Variants in MEI4 observed in about 807,000 individuals in gnomAD.
The protein encoded by MEI4 is meiosis-specific protein MEI4.
In MEI4, 27 loss-of-function variants were observed where a neutral mutation model predicts 31.4. That is an observed-to-expected ratio of 0.86 (90% CI 0.63 to 1.19). The LOEUF (loss-of-function observed/expected upper bound fraction) is 1.19. Among genes scored for constraint, MEI4 ranks in the 50% most tolerant of loss-of-function variants. MEI4 has a pLI of 0.00. For missense variants in MEI4, 329 were observed against 398.9 expected (o/e 0.82, Z 1.49); for synonymous variants, 122 against 145.4 (o/e 0.84, Z 1.16).
intron 3 of MEI4, among the ~76,000 whole-genome samples, chr6:77,818,326 T>C (rs1769736989): frequency 6.6e-6 from 1 of 152,152 alleles, no homozygotes; most frequent in African/African-American, 2.4e-5. Flanking sequence ...TATCTTTTTA[T>C]AAGGTAAAAA....
In MEI4 at chr6:77,694,482, A is replaced by G. The variant is rs9448155; in HGVS notation, c.232+3579A>G. ...CTGTGTCCATGTGTTCTCATTGTTC[A>G]ATTCCCACCTATGAGTGAGAACATA... On this transcript the variant is annotated intron_variant, in intron 2 of 4. Transcript: ENST00000684080. Among the ~76,000 whole-genome samples, 1,037 of 146,196 alleles carry G rather than the reference A, an allele frequency of 7.1e-3. 13 individuals carry two copies. The highest frequency in any genetic ancestry group is 0.025 in the African/African-American group (978 of 39,136).
intron 4 of MEI4, among the ~76,000 whole-genome samples, chr6:77,872,557 TA>T (rs1183202499): frequency 6.6e-6 from 1 of 152,022 alleles, no homozygotes; most frequent in African/African-American, 2.4e-5. Context: ...GCAGGCAGTT[TA>T]TTTTTTTATT....
chr6:77,687,261 G>T (rs1769075410), intron 1 of MEI4, among the ~76,000 whole-genome samples: 2 of 152,076 alleles, frequency 1.3e-5, no homozygotes, highest in African/African-American at 2.4e-5. Context: ...AGAATTAAGA[G>T]ACACTACATA....
At chr6:77,815,714 A>G (rs182476821) in intron 3 of MEI4, among the ~76,000 whole-genome samples, 9 of 152,264 alleles carry the variant, frequency 5.9e-5, no homozygotes, top group Admixed American at 1.3e-4. Context: ...TAGGGTCACT[A>G]GTAACTGGTA....
chr6:77,909,211 G>A (rs376485220), intron 4 of MEI4, among the ~76,000 whole-genome samples: 13 of 151,788 alleles, frequency 8.6e-5, no homozygotes, highest in Admixed American at 5.9e-4. Flanking sequence ...ACTCAAAACC[G>A]CTCAACTACA....
chr6:77,897,840 C>T (rs1178793266), intron 4 of MEI4, among the ~76,000 whole-genome samples: 1 of 151,894 alleles, frequency 6.6e-6, no homozygotes, highest in African/African-American at 2.4e-5. Context: ...CCCTGCCTTA[C>T]AATTCATCTC....
intron 3 of MEI4, among the ~76,000 whole-genome samples, chr6:77,808,807 CAGT>C (rs922148943): frequency 6.6e-6 from 1 of 152,186 alleles, no homozygotes; most frequent in African/African-American, 2.4e-5. Context: ...AGTGGAGCAT[CAGT>C]AGGCTCACTG....
chr6:77,697,798 C>G (rs1015966675), intron 2 of MEI4, among the ~76,000 whole-genome samples: 2 of 152,178 alleles, frequency 1.3e-5, no homozygotes, highest in Admixed American at 6.5e-5. Flanking sequence ...TGATACAGAG[C>G]TGAGTTCAAT....
chr6:77,765,058 C>T (rs776286648), intron 3 of MEI4, among the ~76,000 whole-genome samples: 5 of 152,076 alleles, frequency 3.3e-5, no homozygotes, highest in East Asian at 1.9e-4. Context: ...ATCAATAGCT[C>T]GAATTAGAAT....
intron 4 of MEI4, among the ~76,000 whole-genome samples, chr6:77,862,434 G>T (rs776348702): frequency 6.6e-6 from 1 of 152,180 alleles, no homozygotes; most frequent in Non-Finnish European, 1.5e-5. Flanking sequence ...TATATCCCAC[G>T]CATGGCTCAG....
At chr6:77,671,690 G>A (rs1162778712) in intron 1 of MEI4, among the ~76,000 whole-genome samples, 1 of 120,734 alleles carries the variant, frequency 8.3e-6, no homozygotes, top group East Asian at 2.3e-4. Context: ...TAAGGCCTTT[G>A]TCTCAAAGTG....
At chr6:77,835,901 A>T (rs911282512) in intron 4 of MEI4, among the ~76,000 whole-genome samples, 6 of 152,098 alleles carry the variant, frequency 3.9e-5, no homozygotes, top group African/African-American at 1.4e-4. Flanking sequence ...AGGAAGGATG[A>T]AGTATCTGAG....
Position 77,847,355 on chromosome 6 carries a change from A to C in MEI4, c.900+18293A>C, listed in dbSNP as rs1172954523. 6.6e-6 allele frequency among the ~76,000 whole-genome samples: 1 copy of C among 152,224 alleles called. No individual in the cohort carries two copies. The highest frequency in any genetic ancestry group is 1.9e-4 in the East Asian group (1 of 5,186). On this transcript the variant is annotated intron_variant, in intron 4 of 4. Transcript: ENST00000684080. The surrounding 1 kb of genome is among the most constrained non-coding windows in gnomAD (Gnocchi z 4.6). The stretch of plus-strand genomic sequence containing the variant: ...CTCTGTATTTGTCTGTGCTAGCAGT[A>C]AAATGTCAATTAAGTATGATTAATT...
intron 3 of MEI4, among the ~76,000 whole-genome samples, chr6:77,795,859 A>G (rs558137440): frequency 1.3e-5 from 2 of 152,202 alleles, no homozygotes; most frequent in East Asian, 3.9e-4. Context: ...AATGCCAGTC[A>G]TTTTTCCAAA....
At chr6:77,822,568 A>G (rs1486727167) in intron 3 of MEI4, among the ~76,000 whole-genome samples, 2 of 151,700 alleles carry the variant, frequency 1.3e-5, no homozygotes, top group Non-Finnish European at 2.9e-5. Flanking sequence ...TAACATTTTT[A>G]AAAGTATCCT....
At chr6:77,801,858 G>A (rs183109972) in intron 3 of MEI4, among the ~76,000 whole-genome samples, 49 of 152,234 alleles carry the variant, frequency 3.2e-4, no homozygotes, top group East Asian at 2.3e-3. Context: ...TATAATTTCT[G>A]TTCTTTTACA....
chr6:77,716,560 A>G (rs1188687396), intron 2 of MEI4, among the ~76,000 whole-genome samples: 16 of 152,182 alleles, frequency 1.1e-4, no homozygotes, highest in Admixed American at 1.0e-3. Flanking sequence ...TGTGGAGTCC[A>G]GTTAAGAATT....
intron 4 of MEI4, among the ~76,000 whole-genome samples, chr6:77,835,975 A>G (rs902351476): frequency 2.0e-5 from 3 of 152,148 alleles, no homozygotes; most frequent in African/African-American, 7.2e-5. Flanking sequence ...TTTTTACAAA[A>G]TATAAATACA....
At chr6:77,683,820 T>C (rs35929615) in intron 1 of MEI4, among the ~76,000 whole-genome samples, 9,726 of 152,310 alleles carry the variant, frequency 0.064, 468 homozygotes, top group Non-Finnish European at 0.1. Flanking sequence ...TCTTTTCTAT[T>C]GCGAATAATG....
Sources: gnomAD v4.1 joint callset for allele counts (sites outside exome capture counted in the v4.1 genomes callset) on GRCh38, gnomAD v4.1.1 for gene constraint, Gnocchi (gnomAD v3.1) non-coding constraint, MANE v1.5 for transcripts, NCBI Gene and HGNC (gene_info 2026-07-23, HGNC 2026-07-21) for gene names.